The following NIM1K variants were observed in gnomAD, a reference collection of about 807,000 sequenced individuals.
NIM1K encodes the protein NIM1 serine/threonine protein kinase.
In NIM1K, 35 loss-of-function variants were observed where a neutral mutation model predicts 37.1. The observed-to-expected ratio is 0.94, with a 90% CI of 0.72 to 1.25. NIM1K has a LOEUF of 1.25. NIM1K is among the 50% of genes most tolerant of loss of function. The pLI, the probability that NIM1K is intolerant of heterozygous loss-of-function variation, is 0.00. For missense variants in NIM1K, 564 were observed against 548.0 expected (o/e 1.03, Z -0.29); for synonymous variants, 234 against 206.6 (o/e 1.13, Z -1.14).
rs114728521 is a variant in NIM1K at position 43,252,435 on chromosome 5, C to T, written c.292+6368C>T. Among the ~76,000 whole-genome samples, 821 of 152,230 alleles carry T rather than the reference C, an allele frequency of 5.4e-3. 2 individuals are homozygous for T. The highest frequency in any genetic ancestry group is 0.019 in the African/African-American group (791 of 41,532). ...AGTTTGTACAAATATGGCCCCCACA[C>T]CAAACCAACTTGCCCAGAATTGTCA... On this transcript the variant is annotated intron_variant, in intron 2 of 3. Coordinates refer to ENST00000326035, the MANE Select transcript of NIM1K (RefSeq NM_153361.4).
chr5:43,277,782 G>A (rs1198491622), intron 3 of NIM1K, among the ~76,000 whole-genome samples: 8 of 100,164 alleles, frequency 8.0e-5, no homozygotes, highest in African/African-American at 3.3e-4. Flanking sequence ...CCCTCTCCGT[G>A]TGTGTGTGTG....
intron 1 of NIM1K, among the ~76,000 whole-genome samples, chr5:43,219,375 T>C (rs1752350773): frequency 6.6e-6 from 1 of 152,148 alleles, no homozygotes; most frequent in South Asian, 2.1e-4. Context: ...AAAGGACTAA[T>C]ACAAGGCATG....
chr5:43,252,122 A>G (rs78891437), intron 2 of NIM1K, among the ~76,000 whole-genome samples: 14 of 147,688 alleles, frequency 9.5e-5, no homozygotes, highest in Non-Finnish European at 1.1e-4. Context: ...GTGAAAGGAC[A>G]AAAAAAAAAG....
chr5:43,259,487 A>G (rs73094595), intron 2 of NIM1K, among the ~76,000 whole-genome samples: 4,901 of 152,166 alleles, frequency 0.032, 291 homozygotes, highest in African/African-American at 0.11. Flanking sequence ...GCTGGGGTAA[A>G]GCGGTATCTC....
At chr5:43,194,358 T>G (rs1751880367) in intron 1 of NIM1K, among the ~76,000 whole-genome samples, 1 of 152,188 alleles carries the variant, frequency 6.6e-6, no homozygotes, top group South Asian at 2.1e-4. Flanking sequence ...CCTCATGGGT[T>G]TATTTTTAGC....
At chr5:43,220,171 G>A (rs2112229182) in intron 1 of NIM1K, among the ~76,000 whole-genome samples, 1 of 152,048 alleles carries the variant, frequency 6.6e-6, no homozygotes, top group South Asian at 2.1e-4. Flanking sequence ...TTATGCCTAT[G>A]TTTTCATCCA....
rs1491040062 is a variant in NIM1K at position 43,213,164 on chromosome 5, T to TC, written c.-695+20753_-695+20754insC. Among the ~76,000 whole-genome samples the TC allele has an allele frequency of 7.8e-3, 74 of 9,526 alleles. 3 individuals are homozygous for TC. Among genetic ancestry groups the TC allele is most frequent in the East Asian group, 0.022 (6 of 270 alleles). 6.2% of individuals were successfully genotyped at this position (9,526 alleles called of 152,430 possible). On this transcript the variant is annotated intron_variant, in intron 1 of 3. Coordinates refer to ENST00000326035, the MANE Select transcript of NIM1K (RefSeq NM_153361.4). ...AAAATCTCCATTTTCTTTCTTTCTT[T>TC]TTTTCTTTCTTTCTTTCTTTCTTTC...
chr5:43,274,458 T>C (rs990404430), intron 2 of NIM1K, among the ~76,000 whole-genome samples: 3 of 152,174 alleles, frequency 2.0e-5, no homozygotes. Context: ...TGGAATTCAT[T>C]AATCTAGCCC....
chr5:43,202,630 TAAG>T (rs1444203785), intron 1 of NIM1K, among the ~76,000 whole-genome samples: 1 of 152,184 alleles, frequency 6.6e-6, no homozygotes, highest in Non-Finnish European at 1.5e-5. Flanking sequence ...AGCCAAGTAT[TAAG>T]AAGTAAGATT....
rs191517389 is a variant in NIM1K at position 43,223,072 on chromosome 5, G to C, written c.-694-22010G>C. 5.8e-3 allele frequency among the ~76,000 whole-genome samples: 849 copies of C among 147,350 alleles called. 3 individuals are homozygous for C. Among genetic ancestry groups the C allele is most frequent in the African/African-American group, 0.014 (573 of 40,014 alleles). ...GAGAATCGCTTGAACTTGGGAGGCA[G>C]AGGTTGCAGTGAACCGAGATCGTGC... On this transcript the variant is annotated intron_variant, in intron 1 of 3. Transcript: ENST00000326035.
intron 1 of NIM1K, among the ~76,000 whole-genome samples, chr5:43,230,590 A>G (rs1752523370): frequency 6.6e-6 from 1 of 152,230 alleles, no homozygotes; most frequent in African/African-American, 2.4e-5. Flanking sequence ...AATCACCTGG[A>G]AAACTTAAAC....
At chr5:43,239,667 CAG>C (rs1173714315) in intron 1 of NIM1K, among the ~76,000 whole-genome samples, 1 of 151,644 alleles carries the variant, frequency 6.6e-6, no homozygotes, top group Non-Finnish European at 1.5e-5. Context: ...GCTGGGATTA[CAG>C]GCATGCACCA....
rs573752795 is a variant in NIM1K at position 43,214,677 on chromosome 5, A to G, written c.-695+22266A>G. Among the ~76,000 whole-genome samples the G allele has an allele frequency of 5.3e-4, 80 of 152,088 alleles. 1 individual carries two copies. Among genetic ancestry groups the G allele is most frequent in the Middle Eastern group, 3.4e-3 (1 of 294 alleles). On this transcript the variant is annotated intron_variant, in intron 1 of 3. Coordinates refer to ENST00000326035, the MANE Select transcript of NIM1K (RefSeq NM_153361.4). ...AAAAATACAAAAAAATTAGCTGGGC[A>G]TGGTAGCGGGTGCCTGTAGTCCCAG...
intron 2 of NIM1K, among the ~76,000 whole-genome samples, chr5:43,251,103 T>C (rs1752860976): frequency 6.6e-6 from 1 of 152,232 alleles, no homozygotes; most frequent in Non-Finnish European, 1.5e-5. Context: ...CTGCCATTGC[T>C]ATAACTTTAC....
chr5:43,208,342 T>G (rs1269077751), intron 1 of NIM1K, among the ~76,000 whole-genome samples: 1 of 152,094 alleles, frequency 6.6e-6, no homozygotes, highest in African/African-American at 2.4e-5. Flanking sequence ...CAGTGGCTCA[T>G]GCCTGTAATC....
chr5:43,233,140 G>A (rs1284986335), intron 1 of NIM1K: 1 of 1,328,368 alleles, frequency 7.5e-7, no homozygotes, highest in African/African-American at 1.4e-5. Context: ...CTGGACACCA[G>A]CCTGGCCAAT....
At chr5:43,277,744 T>TTC (rs139332282) in intron 3 of NIM1K, among the ~76,000 whole-genome samples, 1,917 of 148,008 alleles carry the variant, frequency 0.013, 39 homozygotes, top group East Asian at 0.078. Context: ...CCCAGCTTGG[T>TTC]TCTCTCTCTC....
intron 2 of NIM1K, among the ~76,000 whole-genome samples, chr5:43,276,222 T>A (rs1026776498): frequency 6.6e-6 from 1 of 151,998 alleles, no homozygotes; most frequent in Non-Finnish European, 1.5e-5. Context: ...GAAAAAAAGG[T>A]TTTATTAGCT....
chr5:43,244,935 A>T (rs2112261496), intron 1 of NIM1K, 147 bp from the exon 2 acceptor site: 2 of 152,346 alleles, frequency 1.3e-5, no homozygotes, highest in South Asian at 4.1e-4. Context: ...TTACTAGATC[A>T]CATGTAATCA....
Sources: allele counts gnomAD v4.1 joint callset (sites outside exome capture counted in the v4.1 genomes callset), GRCh38; gene constraint gnomAD v4.1.1; transcripts MANE v1.5; gene names NCBI Gene and HGNC (gene_info 2026-07-23, HGNC 2026-07-21).